DBT: variants seen among roughly 807,000 people sequenced by gnomAD.
The protein encoded by DBT is lipoamide acyltransferase component of branched-chain alpha-keto acid dehydrogenase complex, mitochondrial.
Under a neutral mutation model 51.3 loss-of-function variants are expected in DBT, and 40 were observed. The ratio of observed to expected loss-of-function variants is 0.78; its 90% CI spans 0.61 to 1.02. DBT has a LOEUF of 1.02. Ranked by LOEUF, DBT falls within the 50% of genes least tolerant of loss-of-function variation. The pLI, the probability that DBT is intolerant of heterozygous loss-of-function variation, is 0.00. For missense variants in DBT, 510 were observed against 580.2 expected, an observed-to-expected ratio of 0.88 and a Z score of 1.24; for synonymous variants, 181 against 190.4, an observed-to-expected ratio of 0.95 and a Z score of 0.41.
At chr1:100,211,281 C>T (rs1204705431) in intron 7 of DBT, among the ~76,000 whole-genome samples, 1 of 152,214 alleles carries the variant, frequency 6.6e-6, no homozygotes, top group Non-Finnish European at 1.5e-5. Flanking sequence ...ATTTACTTTA[C>T]AGCTCAAGTC....
At position 100,192,344 on chromosome 1, in the gene DBT, A is replaced by G. The variant is rs1360395081; in HGVS notation, c.*3911T>C. 1 of 152,246 alleles carries G rather than the reference A, an allele frequency of 6.6e-6. No individual in the cohort carries two copies. Among genetic ancestry groups the G allele is most frequent in the African/African-American group, 2.4e-5 (1 of 41,472 alleles). 9.4% of individuals were successfully genotyped at this position (152,246 alleles called of 1,614,324 possible). A position where few individuals can be genotyped will look rare whatever the true frequency, so the allele number is the denominator to read the frequency against. On this transcript the variant is annotated 3_prime_UTR_variant, in exon 11 of 11. Coordinates refer to ENST00000370132, the MANE Select transcript of DBT (RefSeq NM_001918.5). The stretch of plus-strand genomic sequence containing the variant: ...TCATCTATCTAATTCACCTTTATCC[A>G]TAATCTCTACCCTAGAGCCTGGAAC...
rs1438640424 is a variant in DBT, at chr1:100,190,613, T to G, written c.*5642A>C. 1 of 152,102 alleles carries G rather than the reference T, an allele frequency of 6.6e-6. No individual in the cohort carries two copies. The highest frequency in any genetic ancestry group is 1.5e-5 in the Non-Finnish European group (1 of 68,080). 9.4% of individuals were successfully genotyped at this position (152,102 alleles called of 1,614,324 possible). A position where few individuals can be genotyped will look rare whatever the true frequency, so the allele number is the denominator to read the frequency against. ...AGACTGAAGGATCAAAGTGGGGCAATGGGGGTTCAACATGGGGCAGGGATC... is the reference window on the plus strand; with the variant it reads ...AGACTGAAGGATCAAAGTGGGGCAAGGGGGGTTCAACATGGGGCAGGGATC... On this transcript the variant is annotated 3_prime_UTR_variant, in exon 11 of 11. Transcript: ENST00000370132.
At chr1:100,222,259 T>A (rs1161175971) in intron 4 of DBT, among the ~76,000 whole-genome samples, 1 of 152,264 alleles carries the variant, frequency 6.6e-6, no homozygotes, top group African/African-American at 2.4e-5. Flanking sequence ...AATGGTTTTA[T>A]GTCAAAGAGC....
chr1:100,213,100 T>TA (rs1266916097), intron 7 of DBT, among the ~76,000 whole-genome samples: 3 of 152,230 alleles, frequency 2.0e-5, no homozygotes, highest in African/African-American at 7.2e-5. Context: ...TGTAAGTCCT[T>TA]AACAAGTTTC....
At chr1:100,213,398 G>A (rs971467095) in intron 7 of DBT, 17 of 1,567,876 alleles carry the variant, frequency 1.1e-5, no homozygotes, top group Middle Eastern at 1.9e-4. Context: ...CATCCCCGCC[G>A]CGCCCCCGCA....
At chr1:100,218,830 G>T in intron 4 of DBT, 83 bp from the exon 5 acceptor site, 1 of 1,040,854 alleles carries the variant, frequency 9.6e-7, no homozygotes, top group Non-Finnish European at 1.5e-6. Context: ...ACTAAGATGT[G>T]GCCTATAATA....
chr1:100,237,771 G>C (rs568308244), intron 2 of DBT, among the ~76,000 whole-genome samples: 1 of 152,076 alleles, frequency 6.6e-6, no homozygotes, highest in East Asian at 1.9e-4. Flanking sequence ...ACTAGCAGCT[G>C]ACTACAAGTC....
chr1:100,203,591 C>T (rs935246611), intron 10 of DBT, among the ~76,000 whole-genome samples: 6 of 152,214 alleles, frequency 3.9e-5, no homozygotes, highest in Admixed American at 3.9e-4. Flanking sequence ...TCCTCCCTAA[C>T]TCATTTTATG....
At chr1:100,210,891 T>C (rs1662101950) in intron 7 of DBT, 120 bp from the exon 8 acceptor site, 10 of 1,554,464 alleles carry the variant, frequency 6.4e-6, no homozygotes, top group Non-Finnish European at 8.7e-6. Flanking sequence ...CTGAGTTTAA[T>C]TTCAAGTCTA....
intron 2 of DBT, among the ~76,000 whole-genome samples, chr1:100,236,009 A>C (rs1262773351): frequency 6.6e-6 from 1 of 152,108 alleles, no homozygotes; most frequent in Non-Finnish European, 1.5e-5. Context: ...TGTTTGTCCA[A>C]ACTTATGTTC....
chr1:100,207,549 T>C lies in DBT; in HGVS notation c.1018-913A>G, dbSNP rs928328649. Among the ~76,000 whole-genome samples the C allele has an allele frequency of 2.6e-5, 4 of 151,654 alleles. No individual in the cohort carries two copies. In the South Asian group the frequency reaches 6.3e-4, roughly 24 times the overall value. On this transcript the variant is annotated intron_variant, in intron 8 of 10. Coordinates refer to ENST00000370132, the MANE Select transcript of DBT (RefSeq NM_001918.5). ...ATGCAGCCATTGTTCTGGCAGGGCA[T>C]AGTGGCTCATGCCTATAATCCCAAC...
At chr1:100,221,234 T>C (rs894960821) in intron 4 of DBT, among the ~76,000 whole-genome samples, 4 of 152,222 alleles carry the variant, frequency 2.6e-5, no homozygotes, top group African/African-American at 9.6e-5. Context: ...GTCACTCATA[T>C]ATTATTTCTA....
intron 4 of DBT, among the ~76,000 whole-genome samples, chr1:100,227,202 T>C (rs924931772): frequency 2.6e-5 from 4 of 152,236 alleles, no homozygotes; most frequent in African/African-American, 9.6e-5. Context: ...GGGACCACTG[T>C]TGTATATGCA....
At chr1:100,213,683 G>C in intron 7 of DBT, 3 of 1,608,148 alleles carry the variant, frequency 1.9e-6, no homozygotes, top group Non-Finnish European at 2.5e-6. Flanking sequence ...GGAACACCAG[G>C]CTCGGCCTTT....
intron 4 of DBT, among the ~76,000 whole-genome samples, chr1:100,226,433 G>A (rs1278282144): frequency 2.0e-5 from 3 of 151,598 alleles, no homozygotes; most frequent in Admixed American, 6.6e-5. Context: ...ACAGGTGCAC[G>A]CCACCACACC....
intron 5 of DBT, among the ~76,000 whole-genome samples, chr1:100,217,630 CCTTA>C (rs1238407247): frequency 6.6e-6 from 1 of 152,162 alleles, no homozygotes; most frequent in Non-Finnish European, 1.5e-5. Flanking sequence ...CCCACAGCAA[CCTTA>C]CTTTTCTCAA....
At chr1:100,206,075 A>C (rs1308114537) in intron 10 of DBT, among the ~76,000 whole-genome samples, 155 bp downstream of exon 10, 1 of 147,426 alleles carries the variant, frequency 6.8e-6, no homozygotes, top group East Asian at 2.0e-4. Flanking sequence ...TTAAAGTTAA[A>C]AAAAAAAAAA....
intron 8 of DBT, among the ~76,000 whole-genome samples, chr1:100,206,945 G>A (rs1055987363): frequency 6.6e-6 from 1 of 152,036 alleles, no homozygotes; most frequent in Non-Finnish European, 1.5e-5. Flanking sequence ...TTAGCATGGT[G>A]GCACAGGCCT....
intron 2 of DBT, among the ~76,000 whole-genome samples, chr1:100,238,475 T>C (rs1229574948): frequency 6.7e-6 from 1 of 149,352 alleles, no homozygotes; most frequent in Non-Finnish European, 1.5e-5. Context: ...TCCTCCTCCT[T>C]CTTCTCTTTT....
Sources: gnomAD v4.1 joint callset for allele counts (sites outside exome capture counted in the v4.1 genomes callset) on GRCh38, gnomAD v4.1.1 for gene constraint, MANE v1.5 for transcripts, NCBI Gene and HGNC (gene_info 2026-07-23, HGNC 2026-07-21) for gene names.